The following OR7E24 variants were observed in gnomAD, a reference collection of about 807,000 sequenced individuals.
The protein encoded by OR7E24 is olfactory receptor 7E24.
For missense variants in OR7E24, 385 were observed against 410.3 expected, an observed-to-expected ratio of 0.94 and a Z score of 0.53; for synonymous variants, 130 against 157.5, an observed-to-expected ratio of 0.83 and a Z score of 1.31.
chr19:9,207,016 C>T, the OR7E24 span: 87 of 152,246 alleles, frequency 5.7e-4, no homozygotes, highest in African/African-American at 2.1e-3. Context: ...GGATCAAGCT[C>T]AAATGGGTAA....
chr19:9,214,342 A>C, the OR7E24 span: 1 of 1,614,016 alleles, frequency 6.2e-7, no homozygotes. Flanking sequence ...GAGAAGGTCA[A>C]CCTCTTCATC....
Position 9,251,940 on chromosome 19 carries a change from C to T in OR7E24, c.897C>T (p.Val299=), listed in dbSNP as rs753532329. ...SMVASVMYTV[V]TPMLNPFIYS... is the part of the protein sequence containing the mutation. ...TGGCTTCAGTGATGTACACTGTGGT[C>T]ACCCCCATGCTGAACCCCTTCATCT... Residue 299 remains valine (V), a synonymous_variant, in exon 1 of 1, where the codon GTC becomes GTT. Transcript: ENST00000456448. 1.1e-5 allele frequency: 17 copies of T among 1,614,042 alleles called. No homozygotes were observed. The highest frequency in any genetic ancestry group is 9.9e-5 in the South Asian group (9 of 91,076).
the OR7E24 span, chr19:9,214,026 C>G: frequency 1.2e-6 from 2 of 1,614,086 alleles, no homozygotes; most frequent in Non-Finnish European, 1.7e-6. Flanking sequence ...GGCGGTGGAG[C>G]TGCTCTGGGA....
rs2066145205 is a variant in OR7E24, at chr19:9,251,205, G to A, written c.162G>A (p.Leu54=). The change falls in exon 1 of 1, where the codon CTG becomes CTA. Residue 54 remains leucine (L), a synonymous_variant. Transcript: ENST00000456448. ...CTGGGCTGTTCCTGTCCATGTACCT[G>A]GTCACGGTGCTGGGGAACCTGCTCA... is the stretch of plus-strand genomic sequence containing the variant. ...VLAGLFLSMY[L]VTVLGNLLII... is the part of the protein sequence containing the mutation. 6.2e-7 allele frequency: 1 copy of A among 1,613,986 alleles called. No homozygotes were observed. The highest frequency in any genetic ancestry group is 8.5e-7 in the Non-Finnish European group (1 of 1,179,960).
chr19:9,223,362 A>G, the OR7E24 span, among the ~76,000 whole-genome samples: 154 of 152,370 alleles, frequency 1.0e-3, 2 homozygotes, highest in African/African-American at 3.3e-3. Context: ...CAGGTGGCCA[A>G]TGATAAAGGC....
the OR7E24 span, among the ~76,000 whole-genome samples, chr19:9,215,336 C>T: frequency 5.9e-5 from 6 of 102,290 alleles, no homozygotes; most frequent in Admixed American, 9.8e-5. Flanking sequence ...AGTGAGACTC[C>T]GTCTCAAAAA....
chr19:9,220,160 A>G, the OR7E24 span, among the ~76,000 whole-genome samples: 1 of 152,274 alleles, frequency 6.6e-6, no homozygotes, highest in East Asian at 1.9e-4. Flanking sequence ...TAACATACGC[A>G]TTATCTCACA....
chr19:9,238,446 T>A, the OR7E24 span, among the ~76,000 whole-genome samples: 1 of 152,206 alleles, frequency 6.6e-6, no homozygotes, highest in Non-Finnish European at 1.5e-5. Flanking sequence ...TTTGTAATTG[T>A]GCAGTTTGTA....
chr19:9,228,538 C>G, the OR7E24 span, among the ~76,000 whole-genome samples: 1 of 152,140 alleles, frequency 6.6e-6, no homozygotes, highest in Admixed American at 6.6e-5. Context: ...CACTCTTCAC[C>G]TACTCCATAT....
chr19:9,230,844 C>T, the OR7E24 span, among the ~76,000 whole-genome samples: 1 of 152,144 alleles, frequency 6.6e-6, no homozygotes, highest in African/African-American at 2.4e-5. Context: ...AGGAGACTCT[C>T]AGACGATTGA....
chr19:9,213,725 C>T, the OR7E24 span: 1 of 603,028 alleles, frequency 1.7e-6, no homozygotes, highest in South Asian at 2.0e-5. Flanking sequence ...GCGACAGAGC[C>T]AGACTCTGTC....
In OR7E24 at chr19:9,251,569, T is replaced by C; in HGVS notation, c.526T>C (p.Leu176=). 1 of 1,613,966 alleles carries C rather than the reference T, an allele frequency of 6.2e-7. No homozygotes were observed. Among genetic ancestry groups the C allele is most frequent in the African/African-American group, 1.3e-5 (1 of 74,996 alleles). The change falls in exon 1 of 1, where the codon TTG becomes CTG. Residue 176 remains leucine (L), a synonymous_variant. Transcript: ENST00000456448. Reference sequence around the variant, plus strand: ...TTTTATTAGTCTTTTGGACTCCCAGTTGCACAATTTGATTATGTTACAGCT... The same window carrying C: ...TTTTATTAGTCTTTTGGACTCCCAGCTGCACAATTTGATTATGTTACAGCT... ...SFFISLLDSQ[L]HNLIMLQLTC...
the OR7E24 span, among the ~76,000 whole-genome samples, chr19:9,237,896 G>A: frequency 6.6e-6 from 1 of 152,104 alleles, no homozygotes; most frequent in South Asian, 2.1e-4. Flanking sequence ...GACAAACTGA[G>A]TTTTATAGAA....
the OR7E24 span, among the ~76,000 whole-genome samples, chr19:9,217,641 C>T: frequency 2.6e-5 from 4 of 152,044 alleles, no homozygotes; most frequent in Admixed American, 6.6e-5. Context: ...CAGGTTCAAG[C>T]GATTCTCCTG....
At chr19:9,237,192 C>A in the OR7E24 span, among the ~76,000 whole-genome samples, 15 of 152,174 alleles carry the variant, frequency 9.9e-5, no homozygotes, top group Admixed American at 6.5e-5. Flanking sequence ...GTGATTCTTG[C>A]TTTTGTCCTT....
chr19:9,251,063 T>C lies in OR7E24; in HGVS notation c.20T>C (p.Leu7Pro), dbSNP rs959715799. 1.3e-6 allele frequency: 2 copies of C among 1,590,136 alleles called. No individual in the cohort carries two copies. The highest frequency in any genetic ancestry group is 1.4e-5 in the African/African-American group (1 of 73,976). The stretch of plus-strand genomic sequence containing the variant: ...TTACTTATGTCCTATTTTCCAATTC[T>C]CTTTTTTTTTTTCCTCAAAAGGTGT... Reference protein sequence around the residue: MSYFPILFFFFLKRCPS... With the variant: MSYFPIPFFFFLKRCPS... The change falls in exon 1 of 1, where the codon CTC becomes CCC. Residue 7 changes from leucine to proline, a missense_variant. By Grantham distance (98) the Leu-to-Pro change is moderately conservative (BLOSUM62 -3). Transcript: ENST00000456448.
chr19:9,248,428 G>A (rs540208419), upstream of OR7E24, among the ~76,000 whole-genome samples: 24 of 152,230 alleles, frequency 1.6e-4, no homozygotes, highest in South Asian at 5.0e-3. Context: ...AGCCACATTT[G>A]CACCAGGCAG....
chr19:9,230,113 C>T, the OR7E24 span, among the ~76,000 whole-genome samples: 2 of 150,910 alleles, frequency 1.3e-5, no homozygotes, highest in Non-Finnish European at 1.5e-5. Flanking sequence ...GGCACGATCT[C>T]GGCTCAGCAC....
chr19:9,238,380 T>C, the OR7E24 span, among the ~76,000 whole-genome samples: 1 of 152,212 alleles, frequency 6.6e-6, no homozygotes, highest in African/African-American at 2.4e-5. Context: ...TTCCACATGC[T>C]TGTTGGCAGT....
Sources: allele counts gnomAD v4.1 joint callset (sites outside exome capture counted in the v4.1 genomes callset), GRCh38; gene constraint gnomAD v4.1.1; transcripts MANE v1.5; gene names NCBI Gene and HGNC (gene_info 2026-07-23, HGNC 2026-07-21).